The following SLC9A1 variants were observed in gnomAD, a reference collection of about 807,000 sequenced individuals.
SLC9A1 encodes the protein solute carrier family 9 member A1.
SLC9A1 carries 22 observed loss-of-function variants against 67.9 expected under a neutral mutation model. The ratio of observed to expected loss-of-function variants is 0.32; its 90% CI spans 0.23 to 0.46. The LOEUF (loss-of-function observed/expected upper bound fraction) is 0.46. Among genes scored for constraint, SLC9A1 ranks in the 20% least tolerant of loss-of-function variants. The pLI is 1.00. For synonymous variants in SLC9A1, 421 were observed against 471.8 expected (o/e 0.89, Z 1.40); for missense variants, 686 against 1,094.8 (o/e 0.63, Z 5.27).
chr1:27,102,606 G>A (rs1423639706), intron 7 of SLC9A1, 48 bp from the exon 8 acceptor site: 4 of 1,611,764 alleles, frequency 2.5e-6, no homozygotes, highest in Middle Eastern at 1.7e-4. Flanking sequence ...CCAGGAGTGG[G>A]GAGATGCCCA....
chr1:27,126,017 T>G lies in SLC9A1; in HGVS notation c.353-11731A>C, dbSNP rs564002442. ...CTAGCTCTACTGGCCTCCTTGCTTT[T>G]CCTTGAGCACAAACATGCCCCCACC... On this transcript the variant is annotated intron_variant, in intron 1 of 11. Transcript: ENST00000263980. Among the ~76,000 whole-genome samples the G allele has an allele frequency of 3.3e-5, 5 of 152,326 alleles. No individual in the cohort carries two copies. In the East Asian group the frequency reaches 9.6e-4, roughly 29 times the overall value.
chr1:27,131,947 A>AAAAAAAAATATATATATAT, intron 1 of SLC9A1, among the ~76,000 whole-genome samples: 9 of 52,112 alleles, frequency 1.7e-4, no homozygotes, highest in African/African-American at 5.7e-4. Flanking sequence ...AGAAAAAAAA[A>AAAAAAAAATATATATATAT]ATATATATAT....
intron 1 of SLC9A1, among the ~76,000 whole-genome samples, chr1:27,133,889 C>T (rs573652165): frequency 6.6e-6 from 1 of 151,888 alleles, no homozygotes; most frequent in South Asian, 2.1e-4. Context: ...CGCAGCCTCC[C>T]GAGTAGCTGG....
intron 1 of SLC9A1, among the ~76,000 whole-genome samples, chr1:27,149,381 T>C (rs2083511653): frequency 2.0e-5 from 3 of 152,234 alleles, no homozygotes. Flanking sequence ...AGCTTTTATC[T>C]CATGTGATTT....
At chr1:27,143,580 C>A (rs1258650762) in intron 1 of SLC9A1, among the ~76,000 whole-genome samples, 1 of 152,224 alleles carries the variant, frequency 6.6e-6, no homozygotes, top group Non-Finnish European at 1.5e-5. Context: ...AATTCCCCAT[C>A]TGAGGGCCTC....
Position 27,114,008 on chromosome 1 carries a change from C to T in SLC9A1, c.631G>A (p.Val211Met), listed in dbSNP as rs201506145. 1.2e-5 allele frequency: 19 copies of T among 1,614,158 alleles called. No individual in the cohort carries two copies. The highest frequency in any genetic ancestry group is 9.9e-5 in the South Asian group (9 of 91,084). Residue 211 changes from valine (V) to methionine (M), a missense_variant, in exon 2 of 12, where the codon GTG becomes ATG. This residue lies in a region of SLC9A1 where 49 missense variants were observed against 73.1 expected (regional missense o/e 0.67). Coordinates refer to ENST00000263980, the MANE Select transcript of SLC9A1 (RefSeq NM_003047.5). This position sits in a 1 kb window ranked among gnomAD's most constrained non-coding sequence, Gnocchi z 5.4. ...AFFLGGLMYA[V>M]CLVGGEQINN... ...ATCTGCTCACCGCCCACCAGGCACA[C>T]GGCGTACATGAGGCCGCCCAGGAAG...
At chr1:27,128,118 G>A (rs2083358092) in intron 1 of SLC9A1, among the ~76,000 whole-genome samples, 1 of 152,220 alleles carries the variant, frequency 6.6e-6, no homozygotes, top group African/African-American at 2.4e-5. Flanking sequence ...TAGCATTCGT[G>A]CCATAGCAAG....
chr1:27,135,418 G>C (rs1313547896), intron 1 of SLC9A1, among the ~76,000 whole-genome samples: 1 of 151,372 alleles, frequency 6.6e-6, no homozygotes, highest in Non-Finnish European at 1.5e-5. Context: ...ACTATTCAGA[G>C]TGCTCGGCCC....
In SLC9A1 at chr1:27,102,509, C is replaced by T. The variant is rs776300965; in HGVS notation, c.1696G>A (p.Glu566Lys). ...ATGAGCTGGGGCTCCTTGGAGCGCTCGCCAGCTATCAGACACTTCTTCACA... is the reference window on the plus strand; with the variant it reads ...ATGAGCTGGGGCTCCTTGGAGCGCTTGCCAGCTATCAGACACTTCTTCACA... ...KYVKKCLIAG[E>K]RSKEPQLIAF... The change falls in exon 8 of 12, where the codon GAG becomes AAG. Residue 566 changes from glutamate (E) to lysine (K), a missense_variant. Around this residue, in one of 7 missense-constraint regions of SLC9A1, gnomAD observed 168 missense variants for 375.4 expected, o/e 0.45. Coordinates refer to ENST00000263980, the MANE Select transcript of SLC9A1 (RefSeq NM_003047.5). The T allele has an allele frequency of 5.0e-6, 8 of 1,609,716 alleles. No homozygotes were observed. Among genetic ancestry groups the T allele is most frequent in the East Asian group, 4.5e-5 (2 of 44,744 alleles).
In SLC9A1 at chr1:27,118,220, T is replaced by C. The variant is rs2083284342; in HGVS notation, c.353-3934A>G. On this transcript the variant is annotated intron_variant, in intron 1 of 11. Coordinates refer to ENST00000263980, the MANE Select transcript of SLC9A1 (RefSeq NM_003047.5). The surrounding 1 kb of genome is among the most constrained non-coding windows in gnomAD (Gnocchi z 4.3). ...AGTGAGCTGAAGGAGCTCTAGGCCC[T>C]GATGGGCTCTCTGGGCCTGAGGGGA... 6.6e-6 allele frequency among the ~76,000 whole-genome samples: 1 copy of C among 152,064 alleles called. No homozygotes were observed. Among genetic ancestry groups the C allele is most frequent in the Admixed American group, 6.5e-5 (1 of 15,270 alleles).
At chr1:27,138,428 G>A (rs1410856053) in intron 1 of SLC9A1, among the ~76,000 whole-genome samples, 1 of 152,284 alleles carries the variant, frequency 6.6e-6, no homozygotes, top group East Asian at 1.9e-4. Flanking sequence ...CACATCCAAT[G>A]CTCCATGCTG....
Position 27,100,747 on chromosome 1 carries a change from A to G in SLC9A1, c.2111-103T>C. On this transcript the variant is annotated intron_variant, in intron 11 of 11. Transcript: ENST00000263980. The surrounding 1 kb of genome is among the most constrained non-coding windows in gnomAD (Gnocchi z 5.6). ...GCCTCCTTCAGGCCTTCTCATGAGC[A>G]CAGCCGTCCCGGTCCCAACAGGCCT... is the stretch of plus-strand genomic sequence containing the variant. 1 of 923,284 alleles carries G rather than the reference A, an allele frequency of 1.1e-6. No individual in the cohort carries two copies. The highest frequency in any genetic ancestry group is 2.3e-5 in the Admixed American group (1 of 44,024). The allele number at this position is 923,284 out of a possible 1,614,324, so 57.2% of individuals were successfully genotyped here. A position where few individuals can be genotyped will look rare whatever the true frequency, so the allele number is the denominator to read the frequency against.
At chr1:27,112,143 G>A (rs1223763467) in intron 2 of SLC9A1, among the ~76,000 whole-genome samples, 1 of 152,230 alleles carries the variant, frequency 6.6e-6, no homozygotes, top group Non-Finnish European at 1.5e-5. Flanking sequence ...TGTCACAGAT[G>A]GGGAAACTCA....
Position 27,100,363 on chromosome 1 carries a change from G to T in SLC9A1, c.2392C>A (p.Pro798Thr). 1.3e-6 allele frequency: 2 copies of T among 1,568,272 alleles called. No homozygotes were observed. Among genetic ancestry groups the T allele is most frequent in the Non-Finnish European group, 1.7e-6 (2 of 1,155,524 alleles). The change falls in exon 12 of 12, where the codon CCA becomes ACA. Residue 798 changes from proline (P) to threonine (T), a missense_variant. By Grantham distance (38) the Pro-to-Thr change is conservative. Transcript: ENST00000263980. The surrounding 1 kb of genome is among the most constrained non-coding windows in gnomAD (Gnocchi z 5.6). ...TCCCCAGGCTCAGGGTGTGGGCCTG[G>T]GTCACTGAGGCAGCGCTGTATCCTC... ...SQRIQRCLSD[P>T]GPHPEPGEGE... is the part of the protein sequence containing the mutation.
In SLC9A1 at chr1:27,137,061, G is replaced by A. The variant is rs2083424951; in HGVS notation, c.352+16922C>T. On this transcript the variant is annotated intron_variant, in intron 1 of 11. Transcript: ENST00000263980. The surrounding 1 kb of genome is among the most constrained non-coding windows in gnomAD (Gnocchi z 4.6). ...TCTGCCCCCAGGGCCCACCTGCAAC[G>A]TGCTGTGTCCCTGCGGCACTTCAGC... Among the ~76,000 whole-genome samples the A allele has an allele frequency of 1.3e-5, 2 of 152,254 alleles. No individual in the cohort carries two copies. Among genetic ancestry groups the A allele is most frequent in the African/African-American group, 2.4e-5 (1 of 41,468 alleles).
chr1:27,113,782 GGTTTGTACC>G (rs761870491), intron 2 of SLC9A1, 35 bp downstream of exon 2: 191 of 1,486,442 alleles, frequency 1.3e-4, no homozygotes, highest in Non-Finnish European at 1.2e-5. Flanking sequence ...CCTGGATTTG[GGTTTGTACC>G]GTTTGGACAT....
chr1:27,111,166 G>A (rs1368712016), intron 2 of SLC9A1, among the ~76,000 whole-genome samples: 3 of 152,112 alleles, frequency 2.0e-5, no homozygotes, highest in African/African-American at 4.8e-5. Flanking sequence ...GGGCTCCAGC[G>A]GCAGACAGCC....
At chr1:27,108,452 C>T (rs974832003) in intron 3 of SLC9A1, among the ~76,000 whole-genome samples, 9 of 151,632 alleles carry the variant, frequency 5.9e-5, no homozygotes, top group Admixed American at 1.3e-4. Flanking sequence ...CCGACAAAGG[C>T]GGATCACTTG....
At chr1:27,150,550 A>C (rs1402884803) in intron 1 of SLC9A1, among the ~76,000 whole-genome samples, 1 of 152,144 alleles carries the variant, frequency 6.6e-6, no homozygotes. Flanking sequence ...TGGGGAATGC[A>C]CCTAACTCCT....
Sources: allele counts gnomAD v4.1 joint callset (sites outside exome capture counted in the v4.1 genomes callset), GRCh38; gene constraint gnomAD v4.1.1; regional missense constraint gnomAD v4.1.1; non-coding constraint Gnocchi (gnomAD v3.1); transcripts MANE v1.5; gene names NCBI Gene and HGNC (gene_info 2026-07-23, HGNC 2026-07-21).